VPS13B: variants seen among roughly 807,000 people sequenced by gnomAD.
VPS13B encodes the protein vacuolar protein sorting 13 homolog B.
A neutral mutation model predicts 426.4 loss-of-function variants in VPS13B; 285 were observed. The observed-to-expected ratio is 0.67, with a 90% CI of 0.61 to 0.74. The LOEUF (loss-of-function observed/expected upper bound fraction) is 0.74. Ranked by LOEUF, VPS13B falls within the 30% of genes least tolerant of loss-of-function variation. The pLI, the probability that VPS13B is intolerant of heterozygous loss-of-function variation, is 0.00. For synonymous variants in VPS13B, 1,676 were observed against 1,676.4 expected, an observed-to-expected ratio of 1.00 and a Z score of 0.01; for missense variants, 4,537 against 4,782.6, an observed-to-expected ratio of 0.95 and a Z score of 1.51.
At chr8:99,435,008 G>A (rs7008833) in intron 22 of VPS13B, among the ~76,000 whole-genome samples, 9,557 of 152,228 alleles carry the variant, frequency 0.063, 405 homozygotes, top group African/African-American at 0.12. Context: ...GCTGGGAAAA[G>A]GCTAAGTGCC....
intron 13 of VPS13B, among the ~76,000 whole-genome samples, chr8:99,145,923 T>C (rs938749803): frequency 5.3e-5 from 8 of 152,238 alleles, no homozygotes; most frequent in African/African-American, 1.9e-4. Flanking sequence ...CATCCAACGA[T>C]GACTGTGTGA....
At chr8:99,438,829 G>A (rs958681047) in intron 22 of VPS13B, among the ~76,000 whole-genome samples, 1 of 152,142 alleles carries the variant, frequency 6.6e-6, no homozygotes, top group African/African-American at 2.4e-5. Context: ...TATATACAGA[G>A]ATAGTGAAAC....
At chr8:99,815,442 A>T (rs142731124) in intron 44 of VPS13B, among the ~76,000 whole-genome samples, 12 of 152,202 alleles carry the variant, frequency 7.9e-5, no homozygotes, top group Non-Finnish European at 1.6e-4. Flanking sequence ...TTTTCCTTCG[A>T]TTGGGTCTTC....
At chr8:99,742,310 C>A (rs1226700226) in intron 39 of VPS13B, among the ~76,000 whole-genome samples, 3 of 152,118 alleles carry the variant, frequency 2.0e-5, no homozygotes, top group South Asian at 2.1e-4. Flanking sequence ...CAATAACAGG[C>A]TCTGAAATTG....
chr8:99,259,749 A>G (rs1158103605), intron 17 of VPS13B, among the ~76,000 whole-genome samples: 2 of 152,078 alleles, frequency 1.3e-5, no homozygotes, highest in African/African-American at 4.8e-5. Flanking sequence ...TACATCCCTG[A>G]GTGTCTAGTA....
At chr8:99,519,586 A>C (rs529305151) in intron 29 of VPS13B, among the ~76,000 whole-genome samples, 4 of 152,318 alleles carry the variant, frequency 2.6e-5, no homozygotes, top group African/African-American at 7.2e-5. Flanking sequence ...GATTAAGAAA[A>C]TGTGACACAT....
intron 3 of VPS13B, among the ~76,000 whole-genome samples, chr8:99,051,627 G>A (rs1843557872): frequency 6.6e-6 from 1 of 152,146 alleles, no homozygotes; most frequent in African/African-American, 2.4e-5. Context: ...GGGCAATATG[G>A]CCATTTTCAC....
chr8:99,376,956 G>A (rs1813523659), intron 19 of VPS13B, among the ~76,000 whole-genome samples: 1 of 151,682 alleles, frequency 6.6e-6, no homozygotes, highest in African/African-American at 2.4e-5. Flanking sequence ...GTAACATTAG[G>A]TATGTATAAA....
chr8:99,354,448 T>C (rs1044738759), intron 19 of VPS13B, among the ~76,000 whole-genome samples: 1 of 151,680 alleles, frequency 6.6e-6, no homozygotes, highest in Non-Finnish European at 1.5e-5. Flanking sequence ...TTTAGTATGT[T>C]CATGTGCCTG....
At chr8:99,359,148 A>G (rs1250130020) in intron 19 of VPS13B, among the ~76,000 whole-genome samples, 2 of 152,188 alleles carry the variant, frequency 1.3e-5, no homozygotes, top group Non-Finnish European at 2.9e-5. Flanking sequence ...GTTTGCTGTC[A>G]TAAAATGCAA....
intron 25 of VPS13B, among the ~76,000 whole-genome samples, chr8:99,494,329 G>A (rs965197209): frequency 5.3e-5 from 8 of 151,930 alleles, no homozygotes; most frequent in African/African-American, 1.9e-4. Context: ...ATCTTCCAAT[G>A]TATGAACACT....
At chr8:99,270,241 C>G (rs1386561962) in intron 17 of VPS13B, among the ~76,000 whole-genome samples, 1 of 146,038 alleles carries the variant, frequency 6.8e-6, no homozygotes, top group African/African-American at 2.5e-5. Context: ...CAGGCTCAGG[C>G]AATTTTTGTG....
At chr8:99,673,702 ATTTTAGCT>A (rs1830809713) in intron 35 of VPS13B, among the ~76,000 whole-genome samples, 1 of 151,358 alleles carries the variant, frequency 6.6e-6, no homozygotes, top group African/African-American at 2.4e-5. Context: ...GAGATTGTTT[ATTTTAGCT>A]CTTTCTTCAT....
Position 99,642,017 on chromosome 8 carries a change from T to A in VPS13B, c.5427T>A (p.Phe1809Leu). The A allele has an allele frequency of 6.2e-7, 1 of 1,614,096 alleles. No individual in the cohort carries two copies. Among genetic ancestry groups the A allele is most frequent in the Non-Finnish European group, 8.5e-7 (1 of 1,180,010 alleles). The stretch of plus-strand genomic sequence containing the variant: ...CATCAATTGTAAAAAATCTAAATTT[T>A]ATTCCCTTTGACATATTTATTACTG... ...RQSSIVKNLN[F>L]IPFDIFITAS... The change falls in exon 34 of 62, where the codon TTT becomes TTA. Residue 1809 changes from phenylalanine to leucine, a missense_variant. Physicochemically the swap from Phe to Leu is conservative, Grantham distance 22. This residue lies in a region of VPS13B where 4,311 missense variants were observed against 4,474.3 expected (regional missense o/e 0.96). Coordinates refer to ENST00000357162, the MANE Select transcript of VPS13B (RefSeq NM_152564.5).
intron 3 of VPS13B, among the ~76,000 whole-genome samples, chr8:99,076,206 G>A (rs920441217): frequency 1.3e-5 from 2 of 151,966 alleles, no homozygotes; most frequent in African/African-American, 4.8e-5. Context: ...TTTTATTCTT[G>A]TGGTCTGAGA....
At chr8:99,058,263 A>C (rs1321726121) in intron 3 of VPS13B, among the ~76,000 whole-genome samples, 1 of 151,952 alleles carries the variant, frequency 6.6e-6, no homozygotes, top group Non-Finnish European at 1.5e-5. Context: ...TCTTCTCTTA[A>C]GTCAGATTTA....
chr8:99,343,164 G>A (rs1811347876), intron 19 of VPS13B, among the ~76,000 whole-genome samples: 1 of 151,740 alleles, frequency 6.6e-6, no homozygotes, highest in African/African-American at 2.4e-5. Context: ...CACAATCTCG[G>A]CTCACTGCAA....
chr8:99,357,552 C>G (rs996484785), intron 19 of VPS13B, among the ~76,000 whole-genome samples: 3 of 151,982 alleles, frequency 2.0e-5, no homozygotes, highest in African/African-American at 7.3e-5. Context: ...TTTGTTTTTA[C>G]TCCCCATTAA....
chr8:99,795,356 C>T (rs1812753760), intron 43 of VPS13B, among the ~76,000 whole-genome samples: 1 of 152,162 alleles, frequency 6.6e-6, no homozygotes, highest in African/African-American at 2.4e-5. Flanking sequence ...TCCTGTAGGG[C>T]CATCACGTTT....
Sources: gnomAD v4.1 joint callset for allele counts (sites outside exome capture counted in the v4.1 genomes callset) on GRCh38, gnomAD v4.1.1 for gene constraint, gnomAD v4.1.1 regional missense constraint, MANE v1.5 for transcripts, NCBI Gene and HGNC (gene_info 2026-07-23, HGNC 2026-07-21) for gene names.